The following ZMYM5 variants were observed in gnomAD, a reference collection of about 807,000 sequenced individuals.
ZMYM5 encodes the protein zinc finger MYM-type protein 5.
A neutral mutation model predicts 61.8 loss-of-function variants in ZMYM5; 41 were observed. The ratio of observed to expected loss-of-function variants is 0.66; its 90% confidence interval spans 0.52 to 0.86. The LOEUF (loss-of-function observed/expected upper bound fraction) is 0.86, where lower values mean the gene tolerates loss of function less well. Among genes scored for constraint, ZMYM5 ranks in the 40% least tolerant of loss-of-function variants. The pLI, the probability that ZMYM5 is intolerant of heterozygous loss-of-function variation, is 0.00. For synonymous variants in ZMYM5, 257 were observed against 276.4 expected (o/e 0.93, Z 0.70); for missense variants, 706 against 786.7 (o/e 0.90, Z 1.23).
intron 7 of ZMYM5, among the ~76,000 whole-genome samples, chr13:19,831,205 C>T (rs1330463806): frequency 6.6e-6 from 1 of 151,142 alleles, no homozygotes; most frequent in East Asian, 1.9e-4. Context: ...CAGCTCACTG[C>T]AGTCTTGACC....
chr13:19,846,748 TCCC>T (rs982339651), intron 4 of ZMYM5, among the ~76,000 whole-genome samples: 1 of 148,646 alleles, frequency 6.7e-6, no homozygotes, highest in Non-Finnish European at 1.5e-5. Flanking sequence ...CCAAATACAG[TCCC>T]CCCCTTTTTT....
chr13:19,846,788 G>A (rs1191278241), intron 4 of ZMYM5, among the ~76,000 whole-genome samples: 2 of 151,628 alleles, frequency 1.3e-5, no homozygotes, highest in African/African-American at 2.4e-5. Flanking sequence ...CTAGCAGGGT[G>A]TTATGGCATG....
rs1032779871 is a variant in ZMYM5, at chr13:19,824,472, G to T, written c.*5C>A. ...ATCATCATGCCAAAAAACAACTCAG[G>T]TATATTACGTGTACAACAACAGCAC... On this transcript the variant is annotated 3_prime_UTR_variant, in exon 8 of 8. Transcript: ENST00000337963. The T allele has an allele frequency of 7.8e-7, 1 of 1,287,056 alleles. No homozygotes were observed. The highest frequency in any genetic ancestry group is 1.0e-6 in the Non-Finnish European group (1 of 990,260). 79.7% of individuals were successfully genotyped at this position (1,287,056 alleles called of 1,614,324 possible). A position where few individuals can be genotyped will look rare whatever the true frequency, so the allele number is the denominator to read the frequency against.
intron 2 of ZMYM5, among the ~76,000 whole-genome samples, chr13:19,856,141 T>C (rs959699948): frequency 7.2e-5 from 11 of 152,282 alleles, no homozygotes; most frequent in African/African-American, 2.6e-4. Flanking sequence ...TAAGAAAATT[T>C]TGAATATTTC....
At chr13:19,853,412 T>A (rs1285985556) in intron 2 of ZMYM5, among the ~76,000 whole-genome samples, 3 of 152,100 alleles carry the variant, frequency 2.0e-5, no homozygotes, top group Non-Finnish European at 4.4e-5. Flanking sequence ...TATGTAGGTA[T>A]GCAGAAACAA....
Position 19,837,681 on chromosome 13 carries a change from C to T in ZMYM5, c.1013G>A (p.Cys338Tyr). 1 of 1,581,658 alleles carries T rather than the reference C, an allele frequency of 6.3e-7. No individual in the cohort carries two copies. Among genetic ancestry groups the T allele is most frequent in the Non-Finnish European group, 8.5e-7 (1 of 1,170,914 alleles). Reference sequence around the variant, plus strand: ...CTCTGCTAATTTACTACAAATTGTACATCTTGACTTATTAAAAACTCCTTT... The same window carrying T: ...CTCTGCTAATTTACTACAAATTGTATATCTTGACTTATTAAAAACTCCTTT... ...LKKGVFNKSR[C>Y]TICSKLAEIR... The change falls in exon 6 of 8, where the codon TGT becomes TAT. Residue 338 changes from cysteine to tyrosine, a missense_variant. By Grantham distance (194) the Cys-to-Tyr change is radical. This residue lies in a region of ZMYM5 where 480 missense variants were observed against 461.7 expected (regional missense o/e 1.04). Transcript: ENST00000337963.
At chr13:19,849,708 G>A (rs1300988620) in intron 4 of ZMYM5, among the ~76,000 whole-genome samples, 22 of 152,022 alleles carry the variant, frequency 1.4e-4, no homozygotes, top group African/African-American at 4.3e-4. Flanking sequence ...GGCCGGGCGC[G>A]GTGGCTCAGG....
At chr13:19,839,035 C>A in intron 4 of ZMYM5, 50 bp from the exon 5 acceptor site, 1 of 1,575,798 alleles carries the variant, frequency 6.3e-7, no homozygotes, top group African/African-American at 1.4e-5. Flanking sequence ...AAATGTACAT[C>A]AGAAAAATAA....
chr13:19,828,783 C>A (rs1891055745), intron 7 of ZMYM5, among the ~76,000 whole-genome samples: 1 of 152,108 alleles, frequency 6.6e-6, no homozygotes, highest in South Asian at 2.1e-4. Context: ...TAAACAATGA[C>A]CCTAAGTTTC....
intron 7 of ZMYM5, among the ~76,000 whole-genome samples, chr13:19,832,873 A>C (rs1221639535): frequency 6.7e-6 from 1 of 150,218 alleles, no homozygotes; most frequent in Non-Finnish European, 1.5e-5. Flanking sequence ...TAGAACTACG[A>C]GTGTACAACC....
At chr13:19,836,240 A>G (rs1412193678) in intron 6 of ZMYM5, among the ~76,000 whole-genome samples, 1 of 152,110 alleles carries the variant, frequency 6.6e-6, no homozygotes, top group Non-Finnish European at 1.5e-5. Flanking sequence ...TAACTTCCCT[A>G]AAGACATTTA....
intron 5 of ZMYM5, 73 bp downstream of exon 5, chr13:19,838,627 G>T: frequency 1.3e-6 from 2 of 1,530,984 alleles, no homozygotes; most frequent in Non-Finnish European, 1.8e-6. Context: ...ATCCAGCTCT[G>T]CAGTTATATT....
intron 4 of ZMYM5, among the ~76,000 whole-genome samples, chr13:19,840,994 CTTTT>C (rs377117105): frequency 2.2e-5 from 3 of 136,740 alleles, no homozygotes; most frequent in Admixed American, 7.5e-5. Flanking sequence ...CCACTTTTTA[CTTTT>C]TTTTTTTTTT....
rs1890800445 is a variant in ZMYM5, at chr13:19,824,285, A to C, written c.*192T>G. ...GAAGTCATTGCCTAATGATGATTGA[A>C]TCTAATTAGTTTTAGATTTAGAATG... On this transcript the variant is annotated 3_prime_UTR_variant, in exon 8 of 8. Coordinates refer to ENST00000337963, the MANE Select transcript of ZMYM5 (RefSeq NM_001142684.2). 4.0e-6 allele frequency: 1 copy of C among 248,250 alleles called. No homozygotes were observed. The highest frequency in any genetic ancestry group is 6.2e-5 in the Admixed American group (1 of 16,212). 15.4% of individuals were successfully genotyped at this position (248,250 alleles called of 1,614,324 possible).
chr13:19,841,280 T>C (rs921856413), intron 4 of ZMYM5, among the ~76,000 whole-genome samples: 4 of 152,170 alleles, frequency 2.6e-5, no homozygotes, highest in African/African-American at 9.7e-5. Context: ...TATGAAAAAT[T>C]ACAACAATCT....
chr13:19,847,777 C>T (rs935712408), intron 4 of ZMYM5, among the ~76,000 whole-genome samples: 1 of 141,900 alleles, frequency 7.0e-6, no homozygotes, highest in Non-Finnish European at 1.5e-5. Flanking sequence ...GCTGGGACTA[C>T]AGGCACCTGC....
At chr13:19,834,546 C>T (rs1952619209) in intron 7 of ZMYM5, among the ~76,000 whole-genome samples, 1 of 152,074 alleles carries the variant, frequency 6.6e-6, no homozygotes, top group African/African-American at 2.4e-5. Context: ...CCTGGGCCTC[C>T]CAAAGTGCAG....
rs1953666964 is a variant in ZMYM5, at chr13:19,859,930, C to G, written c.-11+2469G>C. Among the ~76,000 whole-genome samples, 3 of 149,618 alleles carry G rather than the reference C, an allele frequency of 2.0e-5. No homozygotes were observed. The South Asian group carries it at 6.4e-4, about 32-fold the overall frequency. ...ACCAGCCTGGCCAACATGGTCAGTCCCTTGTCTCTACTAAAAATACAACAA... is the reference window on the plus strand; with the variant it reads ...ACCAGCCTGGCCAACATGGTCAGTCGCTTGTCTCTACTAAAAATACAACAA... On this transcript the variant is annotated intron_variant, in intron 2 of 7. Coordinates refer to ENST00000337963, the MANE Select transcript of ZMYM5 (RefSeq NM_001142684.2).
chr13:19,834,993 TC>T (rs1296918645), intron 7 of ZMYM5, among the ~76,000 whole-genome samples: 1 of 77,062 alleles, frequency 1.3e-5, no homozygotes, highest in Non-Finnish European at 3.2e-5. Flanking sequence ...TCATTTTCTT[TC>T]TTTTTTTTTT....
Sources: gnomAD v4.1 joint callset for allele counts (sites outside exome capture counted in the v4.1 genomes callset) on GRCh38, gnomAD v4.1.1 for gene constraint, gnomAD v4.1.1 regional missense constraint, MANE v1.5 for transcripts, NCBI Gene and HGNC (gene_info 2026-07-23, HGNC 2026-07-21) for gene names.